The following NALF2 variants were observed in gnomAD, a reference collection of about 807,000 sequenced individuals.
NALF2 encodes bB57D9.1 (TED protein).
NALF2 carries 1 observed loss-of-function variant against 24.8 expected under a neutral mutation model. That is an observed-to-expected ratio of 0.04 (90% CI 0.01 to 0.19). The LOEUF is 0.19. NALF2 is among the 10% of genes least tolerant of loss of function. The probability of loss-of-function intolerance (pLI) is 1.00; values close to 1 mark genes in which losing one functional copy is unlikely to be tolerated. For missense variants in NALF2, 458 were observed against 409.6 expected (o/e 1.12, Z -1.02); for synonymous variants, 254 against 189.8 (o/e 1.34, Z -2.78).
intron 1 of NALF2, among the ~76,000 whole-genome samples, chrX:69,524,371 C>G (rs1471738499): frequency 6.3e-5 from 7 of 111,478 alleles, no homozygotes; most frequent in Admixed American, 4.7e-4. Flanking sequence ...GGATTACCAT[C>G]ATGAGCCACC....
At position 69,523,135 on chromosome X, in the gene NALF2, T is replaced by C. The variant is rs141176811; in HGVS notation, c.862-5858T>C. ...CAAGCAGCCCTGGAGAGAAGGCCTATAGGGAGGATTTGGATGGGGAAACAG... is the reference window on the plus strand; with the variant it reads ...CAAGCAGCCCTGGAGAGAAGGCCTACAGGGAGGATTTGGATGGGGAAACAG... On this transcript the variant is annotated intron_variant, in intron 1 of 2. Coordinates refer to ENST00000252338, the MANE Select transcript of NALF2 (RefSeq NM_015686.3). Among the ~76,000 whole-genome samples the C allele has an allele frequency of 7.2e-3, 808 of 112,199 alleles. 3 individuals are homozygous for C. Among genetic ancestry groups the C allele is most frequent in the South Asian group, 0.022 (58 of 2,692 alleles).
At chrX:69,529,500 C>T (rs2074581549) in intron 2 of NALF2, 71 bp from the exon 3 acceptor site, 1 of 1,137,791 alleles carries the variant, frequency 8.8e-7, no homozygotes. Flanking sequence ...GCTCTGGAAA[C>T]TTGCTCCCTA....
At chrX:69,513,504 G>A (rs1242371263) in intron 1 of NALF2, among the ~76,000 whole-genome samples, 2 of 112,257 alleles carry the variant, frequency 1.8e-5, no homozygotes, top group African/African-American at 6.5e-5. Context: ...AATGTTCCCT[G>A]TCTTATTTGG....
intron 1 of NALF2, among the ~76,000 whole-genome samples, chrX:69,519,893 TCAC>T: frequency 1.8e-5 from 2 of 112,367 alleles, no homozygotes; most frequent in Non-Finnish European, 3.8e-5. Context: ...GAAACTGCTC[TCAC>T]CATAATGAGA....
chrX:69,515,509 A>G (rs1004745176), intron 1 of NALF2, among the ~76,000 whole-genome samples: 19 of 112,640 alleles, frequency 1.7e-4, no homozygotes, highest in African/African-American at 5.8e-4. Context: ...TGAGACTAAT[A>G]TGCAGCACAC....
chrX:69,523,907 G>C (rs1930768453), intron 1 of NALF2, among the ~76,000 whole-genome samples: 1 of 111,415 alleles, frequency 9.0e-6, no homozygotes, highest in Admixed American at 9.5e-5. Flanking sequence ...GGATTGTTCA[G>C]TAGGAAGAAC....
In NALF2 at chrX:69,531,991, G is replaced by A. The variant is rs1444382981; in HGVS notation, c.*2035G>A. 2.7e-5 allele frequency: 3 copies of A among 112,302 alleles called. No homozygotes were observed. Among genetic ancestry groups the A allele is most frequent in the Non-Finnish European group, 5.6e-5 (3 of 53,101 alleles). 9.3% of individuals were successfully genotyped at this position (112,302 alleles called of 1,213,427 possible). On this transcript the variant is annotated 3_prime_UTR_variant, in exon 3 of 3. Coordinates refer to ENST00000252338, the MANE Select transcript of NALF2 (RefSeq NM_015686.3). The stretch of plus-strand genomic sequence containing the variant: ...GGGGAAAAGGGACTGGGAAGTAAAG[G>A]GAAACCATATGGCCCCAGGGAATGG...
Position 69,505,595 on chromosome X carries a change from G to C in NALF2, c.313G>C (p.Gly105Arg). Reference protein sequence around the residue: ...AVLPLPPPPPGEPSAPPGTCG... With the variant: ...AVLPLPPPPPREPSAPPGTCG... ...GCTGCCGCTGCCGCCGCCGCCGCCC[G>C]GCGAGCCCAGCGCGCCCCCAGGCAC... The change falls in exon 1 of 3, where the codon GGC becomes CGC. Residue 105 changes from glycine (G) to arginine (R), a missense_variant. By Grantham distance (125) the Gly-to-Arg change is moderately radical (BLOSUM62 -2). Transcript: ENST00000252338. 1 of 1,055,927 alleles carries C rather than the reference G, an allele frequency of 9.5e-7. No individual in the cohort carries two copies. Among genetic ancestry groups the C allele is most frequent in the Non-Finnish European group, 1.2e-6 (1 of 830,987 alleles). The allele number at this position is 1,055,927 out of a possible 1,213,427, so 87.0% of individuals were successfully genotyped here.
chrX:69,512,523 C>G (rs1406604035), intron 1 of NALF2, among the ~76,000 whole-genome samples: 1 of 111,703 alleles, frequency 9.0e-6, no homozygotes, highest in African/African-American at 3.3e-5. Context: ...GGCCAACTGG[C>G]TGCAAAGACG....
intron 1 of NALF2, among the ~76,000 whole-genome samples, chrX:69,521,752 A>C (rs1397380756): frequency 8.9e-6 from 1 of 112,277 alleles, no homozygotes; most frequent in Non-Finnish European, 1.9e-5. Flanking sequence ...GAAAAAGTGT[A>C]AGTTGAGCCA....
Position 69,530,087 on chromosome X carries a change from T to C in NALF2, c.*131T>C. On this transcript the variant is annotated 3_prime_UTR_variant, in exon 3 of 3. Transcript: ENST00000252338. ...GCGGGGGAAATGGGGGAATGACACATCCCCCCCAACCTACCCCCACCCCAA... is the reference window on the plus strand; with the variant it reads ...GCGGGGGAAATGGGGGAATGACACACCCCCCCCAACCTACCCCCACCCCAA... The C allele has an allele frequency of 2.1e-6, 1 of 484,629 alleles. No homozygotes were observed. Among genetic ancestry groups the C allele is most frequent in the South Asian group, 4.0e-5 (1 of 25,053 alleles). 39.9% of individuals were successfully genotyped at this position (484,629 alleles called of 1,213,427 possible).
chrX:69,517,321 A>G (rs1930676218), intron 1 of NALF2, among the ~76,000 whole-genome samples: 1 of 111,772 alleles, frequency 8.9e-6, no homozygotes, highest in Admixed American at 9.5e-5. Context: ...GAAAGTGCTC[A>G]AGACATGCTA....
intron 1 of NALF2, among the ~76,000 whole-genome samples, chrX:69,526,767 G>T (rs187453614): frequency 9.0e-6 from 1 of 111,418 alleles, no homozygotes; most frequent in African/African-American, 3.3e-5. Flanking sequence ...AAGAGTAGGG[G>T]GAAGAGCATT....
rs773042176 is a variant in NALF2 at position 69,504,782 on chromosome X, CGGCGCGG to C, written c.-496_-490del. On this transcript the variant is annotated 5_prime_UTR_variant, in exon 1 of 3. Coordinates refer to ENST00000252338, the MANE Select transcript of NALF2 (RefSeq NM_015686.3). Reference sequence around the variant, plus strand: ...AGCGGGCGGACGGGCGGGAGCGGAGCGGCGCGGGGCGAGGGGAGCGGAGCGGAGCGCG... The same window carrying C: ...AGCGGGCGGACGGGCGGGAGCGGAGCGGCGAGGGGAGCGGAGCGGAGCGCG... 0.031 allele frequency among the ~76,000 whole-genome samples: 3,422 copies of C among 109,234 alleles called. 126 individuals are homozygous for C. Among genetic ancestry groups the C allele is most frequent in the African/African-American group, 0.11 (3,295 of 30,486 alleles). The allele number at this position is 109,234 out of a possible 115,157, so 94.9% of individuals were successfully genotyped here. A position where few individuals can be genotyped will look rare whatever the true frequency, so the allele number is the denominator to read the frequency against.
intron 1 of NALF2, among the ~76,000 whole-genome samples, chrX:69,522,565 TA>T (rs772367217): frequency 8.9e-6 from 1 of 112,343 alleles, no homozygotes; most frequent in African/African-American, 3.2e-5. Context: ...AGCTGTTGCT[TA>T]TTTTTACAGC....
chrX:69,514,049 C>T (rs1173679870), intron 1 of NALF2, among the ~76,000 whole-genome samples: 2 of 110,560 alleles, frequency 1.8e-5, no homozygotes, highest in East Asian at 2.8e-4. Flanking sequence ...AAAACTTAGC[C>T]GGGCATGGCG....
Position 69,512,888 on chromosome X carries a change from C to G in NALF2, c.861+6745C>G, listed in dbSNP as rs112491214. ...AAGCTGGGCCGACTGGAAGGGAGGCCCAACAGAGCCTATTGGTAGCTTAGA... is the reference window on the plus strand; with the variant it reads ...AAGCTGGGCCGACTGGAAGGGAGGCGCAACAGAGCCTATTGGTAGCTTAGA... On this transcript the variant is annotated intron_variant, in intron 1 of 2. Coordinates refer to ENST00000252338, the MANE Select transcript of NALF2 (RefSeq NM_015686.3). Among the ~76,000 whole-genome samples, 160 of 111,893 alleles carry G rather than the reference C, an allele frequency of 1.4e-3. 1 individual carries two copies. Among genetic ancestry groups the G allele is most frequent in the Non-Finnish European group, 2.3e-3 (120 of 53,117 alleles).
intron 1 of NALF2, among the ~76,000 whole-genome samples, chrX:69,511,257 C>G (rs1428495654): frequency 9.1e-6 from 1 of 110,088 alleles, no homozygotes; most frequent in Non-Finnish European, 1.9e-5. Flanking sequence ...CCTGACACCC[C>G]TCCCAAACCT....
rs1437161260 is a variant in NALF2, at chrX:69,505,782, G to A, written c.500G>A (p.Arg167Gln). 1.7e-6 allele frequency: 2 copies of A among 1,210,214 alleles called. No homozygotes were observed. Among genetic ancestry groups the A allele is most frequent in the Non-Finnish European group, 1.1e-6 (1 of 894,803 alleles). ...FEPTTPAPPL[R>Q]PPDSLSRAPA... Reference sequence around the variant, plus strand: ...CCGACTACTCCGGCCCCCCCTCTGCGGCCCCCTGACTCCCTTTCCCGTGCC... The same window carrying A: ...CCGACTACTCCGGCCCCCCCTCTGCAGCCCCCTGACTCCCTTTCCCGTGCC... The change falls in exon 1 of 3, where the codon CGG becomes CAG. Residue 167 changes from arginine to glutamine, a missense_variant. Arg to Gln is a conservative substitution (Grantham distance 43). Transcript: ENST00000252338.
Sources: allele counts gnomAD v4.1 joint callset (sites outside exome capture counted in the v4.1 genomes callset), GRCh38; gene constraint gnomAD v4.1.1; transcripts MANE v1.5; gene names NCBI Gene and HGNC (gene_info 2026-07-23, HGNC 2026-07-21).